Variants in GTF2I observed in about 807,000 individuals in gnomAD.
GTF2I encodes the protein general transcription factor IIi, also known as general transcription factor II-I.
In GTF2I, 12 loss-of-function variants were observed where a neutral mutation model predicts 67.6. That is an observed-to-expected ratio of 0.18 (90% CI 0.11 to 0.29). The LOEUF (loss-of-function observed/expected upper bound fraction) is 0.29, where lower values mean the gene tolerates loss of function less well. Among genes scored for constraint, GTF2I ranks in the 10% least tolerant of loss-of-function variants. GTF2I has a pLI of 1.00. For missense variants in GTF2I, 271 were observed against 580.1 expected (o/e 0.47, Z 5.47); for synonymous variants, 149 against 197.0 (o/e 0.76, Z 2.04).
chr7:74,667,926 C>G (rs1035229067), intron 1 of GTF2I, among the ~76,000 whole-genome samples: 1 of 151,276 alleles, frequency 6.6e-6, no homozygotes, highest in African/African-American at 2.4e-5. Flanking sequence ...CTCCATCTCC[C>G]GGGTTCAAGT....
At position 74,718,906 on chromosome 7, in the gene GTF2I, CA is replaced by C. The variant is rs1554404091; in HGVS notation, c.910del (p.Ser304ValfsTer8). On this transcript the variant is annotated frameshift_variant, in exon 12 of 35. Transcript: ENST00000573035. LOFTEE classifies it high-confidence loss of function. ...TCTACTCAACATGTCCCTTCAGAAA[CA>C]AGTGAGGACCCTGAAGTTGAGGTGA... ...EDSTQHVPSE[T>X]SEDPEVEVTI... 2 of 1,570,518 alleles carry C rather than the reference CA, an allele frequency of 1.3e-6. No individual in the cohort carries two copies. The highest frequency in any genetic ancestry group is 2.3e-5 in the South Asian group (2 of 85,420).
chr7:74,675,157 ATACTT>A (rs1805787046), intron 1 of GTF2I, among the ~76,000 whole-genome samples: 1 of 152,178 alleles, frequency 6.6e-6, no homozygotes, highest in South Asian at 2.1e-4. Context: ...CCGGCCTAAT[ATACTT>A]TATTTTAGAA....
chr7:74,703,421 C>T (rs1180270323), intron 6 of GTF2I, among the ~76,000 whole-genome samples: 1 of 151,656 alleles, frequency 6.6e-6, no homozygotes, highest in African/African-American at 2.4e-5. Flanking sequence ...GCTGTGTCAC[C>T]CAGGCTGGAG....
chr7:74,669,383 A>G (rs1805261737), intron 1 of GTF2I, among the ~76,000 whole-genome samples: 2 of 149,352 alleles, frequency 1.3e-5, no homozygotes, highest in Middle Eastern at 3.4e-3. Context: ...CGTGCACCAC[A>G]ATGTCTGGCT....
At chr7:74,707,558 G>T (rs782362340) in intron 8 of GTF2I, among the ~76,000 whole-genome samples, 27 of 152,324 alleles carry the variant, frequency 1.8e-4, no homozygotes, top group Non-Finnish European at 3.7e-4. Context: ...AGTGTATTTT[G>T]GGAGAGCTGC....
intron 2 of GTF2I, 120 bp downstream of exon 2, chr7:74,689,347 A>AAT: frequency 1.0e-5 from 3 of 298,142 alleles, no homozygotes; most frequent in East Asian, 4.8e-5. Context: ...CTTTTTCTTT[A>AAT]CTTTTTTTTT....
In GTF2I at chr7:74,716,870, ATATGTT is replaced by A. The variant is rs1201907855; in HGVS notation, c.824-23_824-18del. On this transcript the variant is annotated intron_variant, in intron 10 of 34. Coordinates refer to ENST00000573035, the MANE Select transcript of GTF2I (RefSeq NM_032999.4). ...CAATGTCAGTTTTTATTGGTTTATT[ATATGTT>A]GTTTATTTTCTTTTTAGGAAGCCAC... is the stretch of plus-strand genomic sequence containing the variant. 2 of 1,530,428 alleles carry A rather than the reference ATATGTT, an allele frequency of 1.3e-6. No individual in the cohort carries two copies. The highest frequency in any genetic ancestry group is 1.8e-6 in the Non-Finnish European group (2 of 1,108,090). 94.8% of individuals were successfully genotyped at this position (1,530,428 alleles called of 1,614,324 possible).
intron 6 of GTF2I, among the ~76,000 whole-genome samples, chr7:74,703,600 A>T (rs587626472): frequency 1.3e-5 from 2 of 152,134 alleles, no homozygotes; most frequent in African/African-American, 4.8e-5. Flanking sequence ...GGCTGGTCTC[A>T]AACTCCAGAC....
At chr7:74,710,853 G>A (rs186530976) in intron 8 of GTF2I, among the ~76,000 whole-genome samples, 179 bp from the exon 9 acceptor site, 1 of 152,244 alleles carries the variant, frequency 6.6e-6, no homozygotes, top group East Asian at 1.9e-4. Context: ...CATTGGCTGG[G>A]ATTATAGTGA....
intron 9 of GTF2I, among the ~76,000 whole-genome samples, chr7:74,712,367 T>C (rs587673281): frequency 6.6e-6 from 1 of 152,292 alleles, no homozygotes; most frequent in Admixed American, 6.5e-5. Flanking sequence ...ATTGAAGCCT[T>C]TCTTTGGGCT....
At chr7:74,718,183 C>A (rs1456276116) in intron 11 of GTF2I, among the ~76,000 whole-genome samples, 5 of 152,172 alleles carry the variant, frequency 3.3e-5, no homozygotes, top group African/African-American at 4.8e-5. Context: ...AAAGTTGAAT[C>A]GAATCTGGGT....
chr7:74,706,306 C>A, intron 7 of GTF2I, 84 bp from the exon 8 acceptor site: 2 of 1,145,732 alleles, frequency 1.7e-6, no homozygotes, highest in Non-Finnish European at 2.6e-6. Flanking sequence ...GGGATCTTAA[C>A]ACTTTGAGAC....
chr7:74,705,105 A>T, intron 6 of GTF2I, 59 bp from the exon 7 acceptor site: 1 of 999,296 alleles, frequency 1.0e-6, no homozygotes, highest in Non-Finnish European at 1.6e-6. Context: ...TAAAGCCTTT[A>T]GACATATTAT....
intron 1 of GTF2I, among the ~76,000 whole-genome samples, chr7:74,662,898 T>A (rs1224389507): frequency 1.3e-5 from 2 of 152,124 alleles, no homozygotes; most frequent in Non-Finnish European, 2.9e-5. Flanking sequence ...TTACAGTTGA[T>A]GACCCCCCTC....
chr7:74,689,600 T>G (rs989568292), intron 2 of GTF2I, among the ~76,000 whole-genome samples: 6 of 151,930 alleles, frequency 3.9e-5, no homozygotes, highest in Non-Finnish European at 7.4e-5. Context: ...TTGATCCACC[T>G]GCCTCAGCCG....
At chr7:74,714,248 CAG>C (rs782456824) in intron 9 of GTF2I, among the ~76,000 whole-genome samples, 157 of 152,216 alleles carry the variant, frequency 1.0e-3, no homozygotes, top group Admixed American at 2.5e-3. Flanking sequence ...GAATTTAACT[CAG>C]AGTACTTTCT....
intron 3 of GTF2I, among the ~76,000 whole-genome samples, chr7:74,698,108 A>G (rs1562957967): frequency 6.6e-6 from 1 of 152,166 alleles, no homozygotes; most frequent in Admixed American, 6.5e-5. Flanking sequence ...GGCGCCCGCC[A>G]CCACGCCCGG....
intron 1 of GTF2I, among the ~76,000 whole-genome samples, chr7:74,658,467 G>C (rs1384594700): frequency 6.8e-6 from 1 of 146,428 alleles, no homozygotes; most frequent in African/African-American, 2.5e-5. Context: ...CGGCCCTGCG[G>C]GCTGCGCATG....
chr7:74,679,416 A>G (rs1268626157), intron 1 of GTF2I, among the ~76,000 whole-genome samples: 1 of 151,962 alleles, frequency 6.6e-6, no homozygotes, highest in Non-Finnish European at 1.5e-5. Context: ...ATTTTCTTAG[A>G]ATGTGACTGA....
Sources: gnomAD v4.1 joint callset for allele counts (sites outside exome capture counted in the v4.1 genomes callset) on GRCh38, gnomAD v4.1.1 for gene constraint, MANE v1.5 for transcripts, NCBI Gene and HGNC (gene_info 2026-07-23, HGNC 2026-07-21) for gene names.